PZP: variants seen among roughly 807,000 people sequenced by gnomAD.
PZP encodes the protein PZP alpha-2-macroglobulin like.
PZP carries 150 observed loss-of-function variants against 179.8 expected under a neutral mutation model. That is an observed-to-expected ratio of 0.83 (90% CI 0.73 to 0.96). The LOEUF is 0.96. Among genes scored for constraint, PZP ranks in the 40% least tolerant of loss-of-function variants. The pLI, the probability that PZP is intolerant of heterozygous loss-of-function variation, is 0.00. For missense variants in PZP, 1,689 were observed against 1,764.0 expected, an observed-to-expected ratio of 0.96 and a Z score of 0.76; for synonymous variants, 624 against 652.3, an observed-to-expected ratio of 0.96 and a Z score of 0.66.
chr12:9,199,497 TC>T lies in PZP; in HGVS notation c.755+866del, dbSNP rs1369808028. 3.3e-5 allele frequency among the ~76,000 whole-genome samples: 5 copies of T among 152,138 alleles called. 1 individual carries two copies. In the East Asian group the frequency reaches 9.6e-4, roughly 29 times the overall value. ...TTCTGGTTATTGAACAATTGTTCTA[TC>T]AAAAAGATCAATGTAAAACATTCAA... On this transcript the variant is annotated intron_variant, in intron 7 of 35. Coordinates refer to ENST00000261336, the MANE Select transcript of PZP (RefSeq NM_002864.3).
chr12:9,150,883 G>A, intron 33 of PZP, 137 bp from the exon 34 acceptor site: 2 of 644,954 alleles, frequency 3.1e-6, no homozygotes, highest in Admixed American at 2.9e-5. Context: ...ATGTCAAGAT[G>A]GGTTTTAGAA....
intron 10 of PZP, among the ~76,000 whole-genome samples, chr12:9,195,678 T>A (rs1306940071): frequency 1.4e-5 from 2 of 140,268 alleles, no homozygotes; most frequent in African/African-American, 5.2e-5. Context: ...GATCTAGAAC[T>A]CCTGGCCTCA....
intron 11 of PZP, among the ~76,000 whole-genome samples, chr12:9,193,401 A>C (rs770520366): frequency 2.0e-5 from 3 of 152,210 alleles, no homozygotes; most frequent in Non-Finnish European, 4.4e-5. Context: ...CCTTTTGCGC[A>C]TAAACACATC....
At chr12:9,162,014 C>T (rs1344518201) in intron 22 of PZP, among the ~76,000 whole-genome samples, 35 of 151,974 alleles carry the variant, frequency 2.3e-4, no homozygotes, top group Middle Eastern at 3.4e-3. Context: ...CAGGTTGGAG[C>T]GCAGTGGTGT....
Position 9,170,801 on chromosome 12 carries a change from G to A in PZP, c.1840-1210C>T, listed in dbSNP as rs1437276667. Reference sequence around the variant, plus strand: ...CATCGAGTGGGACCTTTCTGTGGGGGCTTCAGGTACTCCAGCCAGGGTTCT... The same window carrying A: ...CATCGAGTGGGACCTTTCTGTGGGGACTTCAGGTACTCCAGCCAGGGTTCT... On this transcript the variant is annotated intron_variant, in intron 15 of 35. Coordinates refer to ENST00000261336, the MANE Select transcript of PZP (RefSeq NM_002864.3). This position sits in a 1 kb window ranked among gnomAD's most constrained non-coding sequence, Gnocchi z 4.6. Among the ~76,000 whole-genome samples the A allele has an allele frequency of 6.6e-6, 1 of 152,154 alleles. No individual in the cohort carries two copies. The highest frequency in any genetic ancestry group is 6.5e-5 in the Admixed American group (1 of 15,268).
At chr12:9,153,082 A>G in intron 30 of PZP, 43 bp downstream of exon 30, 1 of 1,607,938 alleles carries the variant, frequency 6.2e-7, no homozygotes, top group Non-Finnish European at 8.5e-7. Context: ...TTCAATTGGC[A>G]AGTTTAAAGT....
In PZP at chr12:9,169,697, G is replaced by A. The variant is rs185358509; in HGVS notation, c.1840-106C>T. Reference sequence around the variant, plus strand: ...TTATCACCAATCTTTTCTTGAGTACGTTCATGTAGTTGGTACCTTAGAGAT... The same window carrying A: ...TTATCACCAATCTTTTCTTGAGTACATTCATGTAGTTGGTACCTTAGAGAT... On this transcript the variant is annotated intron_variant, in intron 15 of 35. Coordinates refer to ENST00000261336, the MANE Select transcript of PZP (RefSeq NM_002864.3). 4.2e-5 allele frequency: 44 copies of A among 1,051,392 alleles called. No homozygotes were observed. The South Asian group carries it at 5.0e-4, about 12-fold the overall frequency. 65.1% of individuals were successfully genotyped at this position (1,051,392 alleles called of 1,614,324 possible).
chr12:9,163,939 G>A, intron 20 of PZP, 150 bp from the exon 21 acceptor site: 1 of 1,240,768 alleles, frequency 8.1e-7, no homozygotes. Context: ...AGTAGCCAAT[G>A]TCCAAGATAG....
At chr12:9,166,941 C>T (rs759941883) in intron 17 of PZP, 1 of 152,296 alleles carries the variant, frequency 6.6e-6, no homozygotes, top group South Asian at 2.1e-4. Flanking sequence ...CCATGTATCC[C>T]ATCTGATATT....
At chr12:9,140,225 A>G in the PZP span, among the ~76,000 whole-genome samples, 2 of 152,230 alleles carry the variant, frequency 1.3e-5, no homozygotes, top group African/African-American at 4.8e-5. Flanking sequence ...GAAAAGATTA[A>G]TTAGGCAGGG....
Position 9,162,658 on chromosome 12 carries a change from A to G in PZP, c.2737-10T>C. 6.4e-7 allele frequency: 1 copy of G among 1,572,318 alleles called. No homozygotes were observed. Among genetic ancestry groups the G allele is most frequent in the Non-Finnish European group, 8.7e-7 (1 of 1,144,816 alleles). The stretch of plus-strand genomic sequence containing the variant: ...GCTCAATACCTTCAGCCTTGGATGA[A>G]AGGAAAGAAAAGGAGAAAAGATAGA... On this transcript the variant is annotated splice_polypyrimidine_tract_variant and intron_variant, in intron 21 of 35. Coordinates refer to ENST00000261336, the MANE Select transcript of PZP (RefSeq NM_002864.3).
chr12:9,152,876 T>C lies in PZP; in HGVS notation c.4069A>G (p.Thr1357Ala). The C allele has an allele frequency of 6.2e-7, 1 of 1,614,092 alleles. No individual in the cohort carries two copies. Among genetic ancestry groups the C allele is most frequent in the Non-Finnish European group, 8.5e-7 (1 of 1,179,986 alleles). Reference sequence around the variant, plus strand: ...GTGTGGGCTTTGTGTCCATCGCAAGTTTGGGGCACAGTCTGCACTTTTAAA... The same window carrying C: ...GTGTGGGCTTTGTGTCCATCGCAAGCTTGGGGCACAGTCTGCACTTTTAAA... ...FALKVQTVPQ[T>A]CDGHKAHTSF... is the part of the protein sequence containing the mutation. The change falls in exon 31 of 36, where the codon ACT (threonine) becomes GCT (alanine). Residue 1357 changes from threonine (T) to alanine (A), a missense_variant. Around this residue, in one of 3 missense-constraint regions of PZP, gnomAD observed 746 missense variants for 749.2 expected, o/e 1.00. Transcript: ENST00000261336.
chr12:9,178,971 C>T (rs1009843812), intron 15 of PZP, among the ~76,000 whole-genome samples: 3 of 152,110 alleles, frequency 2.0e-5, no homozygotes, highest in Non-Finnish European at 2.9e-5. Flanking sequence ...TTTCATATTA[C>T]GAATTTACCA....
At chr12:9,153,546 A>C (rs1029216541) in intron 29 of PZP, among the ~76,000 whole-genome samples, 1 of 152,256 alleles carries the variant, frequency 6.6e-6, no homozygotes, top group Non-Finnish European at 1.5e-5. Flanking sequence ...ATAAAAGGCT[A>C]ATAATGTTTA....
Position 9,155,579 on chromosome 12 carries a change from A to G in PZP, c.3551-740T>C, listed in dbSNP as rs372763260. On this transcript the variant is annotated intron_variant, in intron 28 of 35. Transcript: ENST00000261336. ...ATCTCATGGCAGTTGTGTTCTTTCT[A>G]GTAGTGGTCTACAACCAGACTCTAG... 2.6e-4 allele frequency among the ~76,000 whole-genome samples: 40 copies of G among 152,250 alleles called. No homozygotes were observed. In the East Asian group the frequency reaches 7.7e-3, roughly 29 times the overall value.
rs2377744 is a variant in PZP at position 9,170,857 on chromosome 12, C to T, written c.1840-1266G>A. On this transcript the variant is annotated intron_variant, in intron 15 of 35. Coordinates refer to ENST00000261336, the MANE Select transcript of PZP (RefSeq NM_002864.3). This position sits in a 1 kb window ranked among gnomAD's most constrained non-coding sequence, Gnocchi z 4.6. ...CAGAGCTTTGATCTCTCCCTGGGACCGAGCTCCTGGGGGGCAGGGGTGTCT... is the reference window on the plus strand; with the variant it reads ...CAGAGCTTTGATCTCTCCCTGGGACTGAGCTCCTGGGGGGCAGGGGTGTCT... Among the ~76,000 whole-genome samples the T allele has an allele frequency of 0.095, 14,398 of 152,130 alleles. 791 individuals carry two copies. Among genetic ancestry groups the T allele is most frequent in the South Asian group, 0.23 (1,093 of 4,806 alleles).
intron 11 of PZP, among the ~76,000 whole-genome samples, chr12:9,193,702 T>C (rs1455794536): frequency 1.3e-5 from 2 of 152,180 alleles, no homozygotes; most frequent in Non-Finnish European, 1.5e-5. Context: ...TCATCGTCAT[T>C]AGACAGTGTA....
the PZP span, among the ~76,000 whole-genome samples, chr12:9,142,335 T>A: frequency 6.6e-6 from 1 of 152,192 alleles, no homozygotes; most frequent in Non-Finnish European, 1.5e-5. Flanking sequence ...CAAGCAAAGA[T>A]TATTCTGTTT....
At chr12:9,197,334 T>C (rs1327085850) in intron 7 of PZP, among the ~76,000 whole-genome samples, 1 of 147,358 alleles carries the variant, frequency 6.8e-6, no homozygotes, top group African/African-American at 2.5e-5. Flanking sequence ...CCACATTCTC[T>C]TTGGGATTGA....
Sources: gnomAD v4.1 joint callset for allele counts (sites outside exome capture counted in the v4.1 genomes callset) on GRCh38, gnomAD v4.1.1 for gene constraint, gnomAD v4.1.1 regional missense constraint, Gnocchi (gnomAD v3.1) non-coding constraint, MANE v1.5 for transcripts, NCBI Gene and HGNC (gene_info 2026-07-23, HGNC 2026-07-21) for gene names.